The following KPNA1 variants were observed in gnomAD, a reference collection of about 807,000 sequenced individuals.
KPNA1 encodes the protein karyopherin subunit alpha 1.
In KPNA1, 10 loss-of-function variants were observed where a neutral mutation model predicts 70.5. The ratio of observed to expected loss-of-function variants is 0.14; its 90% CI spans 0.09 to 0.24. The LOEUF is 0.24. Ranked by LOEUF, KPNA1 falls within the 10% of genes least tolerant of loss-of-function variation. The probability of loss-of-function intolerance (pLI) is 1.00; values close to 1 mark genes in which losing one functional copy is unlikely to be tolerated. For synonymous variants in KPNA1, 192 were observed against 221.9 expected, an observed-to-expected ratio of 0.87 and a Z score of 1.20; for missense variants, 397 against 637.9, an observed-to-expected ratio of 0.62 and a Z score of 4.07.
intron 1 of KPNA1, among the ~76,000 whole-genome samples, chr3:122,502,356 G>C (rs1045380448): frequency 1.8e-4 from 28 of 152,186 alleles, no homozygotes; most frequent in Admixed American, 1.3e-4. Context: ...AGTTAAATGA[G>C]GTCATGAGGG....
rs994755241 is a variant in KPNA1, at chr3:122,494,995, T to C, written c.129+1442A>G. Among the ~76,000 whole-genome samples the C allele has an allele frequency of 2.0e-5, 3 of 152,182 alleles. 1 individual carries two copies. The South Asian group carries it at 6.2e-4, about 32-fold the overall frequency. ...AGAATAAAAGGAAAGGAAATTCCTG[T>C]AATCCCAGCACTTTGGGAGGCTGAG... On this transcript the variant is annotated intron_variant, in intron 2 of 13. Transcript: ENST00000344337.
chr3:122,493,608 G>A (rs1266737575), intron 2 of KPNA1, among the ~76,000 whole-genome samples: 2 of 152,170 alleles, frequency 1.3e-5, no homozygotes, highest in East Asian at 1.9e-4. Flanking sequence ...AGAAAATTAA[G>A]AAAACCAGCC....
intron 2 of KPNA1, among the ~76,000 whole-genome samples, chr3:122,470,846 A>C (rs953410770): frequency 4.7e-5 from 7 of 150,428 alleles, no homozygotes; most frequent in African/African-American, 1.5e-4. Flanking sequence ...ACTAGAAACA[A>C]AAAAAAAAGG....
At chr3:122,457,665 C>G (rs1576306203) in intron 5 of KPNA1, 3 of 1,240,936 alleles carry the variant, frequency 2.4e-6, no homozygotes, top group South Asian at 2.8e-5. Context: ...TAGTCTCTAC[C>G]TTCTGGCGCT....
intron 12 of KPNA1, among the ~76,000 whole-genome samples, chr3:122,431,573 G>A (rs2075909728): frequency 6.6e-6 from 1 of 152,114 alleles, no homozygotes; most frequent in Non-Finnish European, 1.5e-5. Flanking sequence ...TTTGTTTTTT[G>A]TAATTTGGAC....
chr3:122,451,481 A>C, intron 8 of KPNA1, 53 bp downstream of exon 8: 2 of 955,110 alleles, frequency 2.1e-6, no homozygotes, highest in Non-Finnish European at 3.2e-6. Context: ...ATTGGTTGCA[A>C]TACTCTTTTA....
At chr3:122,498,334 C>T (rs957971347) in intron 1 of KPNA1, among the ~76,000 whole-genome samples, 1 of 152,204 alleles carries the variant, frequency 6.6e-6, no homozygotes, top group Non-Finnish European at 1.5e-5. Context: ...TTTGCTTGCT[C>T]CTTCAGCCAT....
intron 5 of KPNA1, chr3:122,460,654 A>G: frequency 1.3e-6 from 1 of 787,788 alleles, no homozygotes; most frequent in Non-Finnish European, 1.5e-6. Flanking sequence ...AGAAGAAAAA[A>G]AAAAAAAAGA....
intron 2 of KPNA1, among the ~76,000 whole-genome samples, chr3:122,486,989 G>C (rs72958499): frequency 3.2e-4 from 48 of 152,296 alleles, no homozygotes; most frequent in African/African-American, 1.0e-3. Context: ...TGTCCTGTGT[G>C]AACTGTAGCT....
At chr3:122,502,303 C>T (rs2076837945) in intron 1 of KPNA1, among the ~76,000 whole-genome samples, 1 of 152,172 alleles carries the variant, frequency 6.6e-6, no homozygotes, top group Non-Finnish European at 1.5e-5. Context: ...ACCCTAACCA[C>T]CAGTGTGACT....
intron 2 of KPNA1, among the ~76,000 whole-genome samples, chr3:122,469,993 C>T (rs1429296703): frequency 1.3e-5 from 2 of 152,050 alleles, no homozygotes; most frequent in Non-Finnish European, 2.9e-5. Context: ...AGTAGACCTG[C>T]TTTGCAAGAA....
At chr3:122,452,218 C>A (rs2076209504) in intron 6 of KPNA1, among the ~76,000 whole-genome samples, 154 bp from the exon 7 acceptor site, 1 of 152,052 alleles carries the variant, frequency 6.6e-6, no homozygotes, top group African/African-American at 2.4e-5. Flanking sequence ...CTAAAGTGTA[C>A]AACAAACAGA....
At chr3:122,477,138 C>A (rs958317667) in intron 2 of KPNA1, among the ~76,000 whole-genome samples, 5 of 151,888 alleles carry the variant, frequency 3.3e-5, no homozygotes. Context: ...ATGGATGAAC[C>A]TGGAGGATAT....
chr3:122,456,715 C>A (rs926794597), intron 5 of KPNA1, among the ~76,000 whole-genome samples: 5 of 152,128 alleles, frequency 3.3e-5, no homozygotes, highest in African/African-American at 7.2e-5. Context: ...TACATCTTAG[C>A]AAAAGAATAA....
At chr3:122,501,921 G>A (rs1308808778) in intron 1 of KPNA1, among the ~76,000 whole-genome samples, 1 of 152,124 alleles carries the variant, frequency 6.6e-6, no homozygotes, top group Non-Finnish European at 1.5e-5. Flanking sequence ...GGCTTTCCAT[G>A]GTTGTTTTTG....
chr3:122,455,410 G>A (rs2076253544), intron 5 of KPNA1, among the ~76,000 whole-genome samples: 1 of 151,998 alleles, frequency 6.6e-6, no homozygotes, highest in Admixed American at 6.6e-5. Flanking sequence ...AAAAATTCTG[G>A]GGACTTACAG....
chr3:122,485,374 C>T (rs1342570755), intron 2 of KPNA1, among the ~76,000 whole-genome samples: 2 of 151,122 alleles, frequency 1.3e-5, no homozygotes, highest in South Asian at 2.1e-4. Context: ...ATATGGTCAA[C>T]GGTAAGTGTT....
intron 6 of KPNA1, 98 bp from the exon 7 acceptor site, chr3:122,452,162 T>G (rs1010305368): frequency 1.2e-6 from 1 of 804,398 alleles, no homozygotes; most frequent in African/African-American, 1.7e-5. Flanking sequence ...CATCAGGGAG[T>G]CAAATGAAAC....
intron 12 of KPNA1, among the ~76,000 whole-genome samples, chr3:122,429,466 AAAAG>A (rs1443698402): frequency 1.7e-3 from 250 of 151,088 alleles, no homozygotes; most frequent in African/African-American, 6.0e-3. Context: ...AAAAAAAAAA[AAAAG>A]AATCTCATTT....
Sources: allele counts gnomAD v4.1 joint callset (sites outside exome capture counted in the v4.1 genomes callset), GRCh38; gene constraint gnomAD v4.1.1; transcripts MANE v1.5; gene names NCBI Gene and HGNC (gene_info 2026-07-23, HGNC 2026-07-21).